PCNX2: variants seen among roughly 807,000 people sequenced by gnomAD.
The protein encoded by PCNX2 is pecanex 2, also known as pecanex-like protein 2.
In PCNX2, 168 loss-of-function variants were observed where a neutral mutation model predicts 223.8. The ratio of observed to expected loss-of-function variants is 0.75; its 90% CI spans 0.66 to 0.85. The LOEUF (loss-of-function observed/expected upper bound fraction) is 0.85. Among genes scored for constraint, PCNX2 ranks in the 40% least tolerant of loss-of-function variants. The pLI, the probability that PCNX2 is intolerant of heterozygous loss-of-function variation, is 0.00. For missense variants in PCNX2, 2,507 were observed against 2,675.5 expected (o/e 0.94, Z 1.39); for synonymous variants, 1,006 against 1,052.6 (o/e 0.96, Z 0.86).
intron 23 of PCNX2, chr1:233,057,919 G>A (rs1349941535): frequency 5.1e-6 from 5 of 985,062 alleles, no homozygotes; most frequent in Middle Eastern, 5.2e-4. Flanking sequence ...CTTGAGAACA[G>A]TGTCCACAAA....
At chr1:233,200,869 T>A (rs1261920800) in intron 13 of PCNX2, among the ~76,000 whole-genome samples, 1 of 149,800 alleles carries the variant, frequency 6.7e-6, no homozygotes, top group Non-Finnish European at 1.5e-5. Context: ...TAAAAAAAAA[T>A]ACAAAAATTA....
chr1:233,023,710 T>C (rs751860448), intron 26 of PCNX2, among the ~76,000 whole-genome samples: 1 of 150,516 alleles, frequency 6.6e-6, no homozygotes, highest in African/African-American at 2.4e-5. Flanking sequence ...GGACAAAACA[T>C]GTATAGTTTT....
At position 233,250,741 on chromosome 1, in the gene PCNX2, A is replaced by C; in HGVS notation, c.2220T>G (p.Ala740=). 1 of 1,602,568 alleles carries C rather than the reference A, an allele frequency of 6.2e-7. No individual in the cohort carries two copies. The highest frequency in any genetic ancestry group is 8.5e-7 in the Non-Finnish European group (1 of 1,174,834). ...CCTGGAAACAAAGCTCCACTCACCG[A>C]GCCTGAGAGAGACAGTCATTATTTG... ...LPSNNDCLSQ[A]REMQVSSSST... is the part of the protein sequence containing the mutation. Residue 740 remains alanine, a splice_region_variant and synonymous_variant, in exon 8 of 34, where the codon GCT becomes GCG. Transcript: ENST00000258229.
chr1:233,081,217 G>A (rs1445173002), intron 23 of PCNX2, among the ~76,000 whole-genome samples: 2 of 152,070 alleles, frequency 1.3e-5, no homozygotes, highest in Non-Finnish European at 2.9e-5. Context: ...CATGATGGCA[G>A]GTGCCTGTAA....
rs1670067211 is a variant in PCNX2 at position 233,001,132 on chromosome 1, C to T, written c.5097+405G>A. On this transcript the variant is annotated intron_variant, in intron 29 of 33. Transcript: ENST00000258229. This position sits in a 1 kb window ranked among gnomAD's most constrained non-coding sequence, Gnocchi z 4.2. ...CACTGCAGCCTGAAACTCCCGGGCT[C>T]AAGCTATCCTCCCACCTTAACCTCC... Among the ~76,000 whole-genome samples, 2 of 152,102 alleles carry T rather than the reference C, an allele frequency of 1.3e-5. No homozygotes were observed. Among genetic ancestry groups the T allele is most frequent in the Non-Finnish European group, 2.9e-5 (2 of 68,032 alleles).
chr1:233,057,990 C>T (rs1672254057), intron 23 of PCNX2: 1 of 985,238 alleles, frequency 1.0e-6, no homozygotes, highest in African/African-American at 1.7e-5. Context: ...GTCTCCACCA[C>T]CTGCTTTCAA....
chr1:233,233,214 T>C (rs911916358), intron 9 of PCNX2, among the ~76,000 whole-genome samples: 1 of 152,186 alleles, frequency 6.6e-6, no homozygotes, highest in Non-Finnish European at 1.5e-5. Context: ...AAGCACATGA[T>C]GGATAAACTT....
At chr1:233,207,530 G>A (rs1182489913) in intron 13 of PCNX2, among the ~76,000 whole-genome samples, 1 of 152,200 alleles carries the variant, frequency 6.6e-6, no homozygotes. Flanking sequence ...CAATCACTTT[G>A]CATAAAAGGG....
chr1:233,288,803 CCTTTTTTT>C, intron 1 of PCNX2: 3 of 655,788 alleles, frequency 4.6e-6, no homozygotes, highest in Non-Finnish European at 4.9e-6. Flanking sequence ...GGAAAGATGC[CCTTTTTTT>C]TTTTTTTTTT....
intron 1 of PCNX2, among the ~76,000 whole-genome samples, chr1:233,264,033 A>G (rs1420697040): frequency 1.3e-5 from 2 of 152,158 alleles, no homozygotes; most frequent in Non-Finnish European, 2.9e-5. Flanking sequence ...GAAGAGGGAT[A>G]TTTCCAGCAG....
chr1:233,116,268 C>T (rs529600467), intron 21 of PCNX2, among the ~76,000 whole-genome samples: 16 of 152,196 alleles, frequency 1.1e-4, no homozygotes, highest in Admixed American at 4.6e-4. Context: ...CATTATAATG[C>T]AACAAGATAT....
upstream of PCNX2, among the ~76,000 whole-genome samples, chr1:233,298,256 G>A (rs1662204285): frequency 6.6e-6 from 1 of 152,146 alleles, no homozygotes; most frequent in East Asian, 1.9e-4. Context: ...TCTGAAATTA[G>A]CAAATAAATG....
Position 233,248,618 on chromosome 1 carries a change from A to G in PCNX2, c.2222+2121T>C, listed in dbSNP as rs537480223. 9.2e-5 allele frequency among the ~76,000 whole-genome samples: 14 copies of G among 152,248 alleles called. No homozygotes were observed. The South Asian group carries it at 2.9e-3, about 32-fold the overall frequency. Reference sequence around the variant, plus strand: ...TCTTTATCTAGACACTCCTGAAGACAGATGGACCCAAGACTGTTCAGTTAC... The same window carrying G: ...TCTTTATCTAGACACTCCTGAAGACGGATGGACCCAAGACTGTTCAGTTAC... On this transcript the variant is annotated intron_variant, in intron 8 of 33. Coordinates refer to ENST00000258229, the MANE Select transcript of PCNX2 (RefSeq NM_014801.4).
At chr1:233,236,487 T>TA (rs530081035) in intron 9 of PCNX2, among the ~76,000 whole-genome samples, 101 of 146,228 alleles carry the variant, frequency 6.9e-4, no homozygotes, top group Admixed American at 9.6e-4. Context: ...AATAATACAT[T>TA]AAAAAAAAAA....
chr1:233,178,098 G>A (rs1679588141), intron 16 of PCNX2, among the ~76,000 whole-genome samples, 200 bp from the exon 17 acceptor site: 1 of 152,206 alleles, frequency 6.6e-6, no homozygotes, highest in Non-Finnish European at 1.5e-5. Flanking sequence ...CCTAATGAGA[G>A]CAGTCAAGTA....
chr1:233,168,777 T>C (rs1235222240), intron 17 of PCNX2, among the ~76,000 whole-genome samples: 1 of 152,132 alleles, frequency 6.6e-6, no homozygotes, highest in Non-Finnish European at 1.5e-5. Flanking sequence ...CCTTGATAAA[T>C]TATGCTTTTC....
chr1:233,136,684 C>A (rs1039525879), intron 20 of PCNX2, among the ~76,000 whole-genome samples: 3 of 152,116 alleles, frequency 2.0e-5, no homozygotes, highest in Non-Finnish European at 4.4e-5. Context: ...TTTTCCAGTG[C>A]GCAACTAATG....
intron 5 of PCNX2, among the ~76,000 whole-genome samples, chr1:233,256,695 T>C (rs575961428): frequency 3.4e-4 from 52 of 152,348 alleles, no homozygotes; most frequent in African/African-American, 1.2e-3. Flanking sequence ...AAAATTTTAT[T>C]GGACAGTGCT....
the PCNX2 span, among the ~76,000 whole-genome samples, chr1:233,324,537 A>C: frequency 6.6e-6 from 1 of 151,902 alleles, no homozygotes; most frequent in African/African-American, 2.4e-5. Flanking sequence ...TGCTTGTGCC[A>C]TATCAATGGC....
Sources: allele counts gnomAD v4.1 joint callset (sites outside exome capture counted in the v4.1 genomes callset), GRCh38; gene constraint gnomAD v4.1.1; non-coding constraint Gnocchi (gnomAD v3.1); transcripts MANE v1.5; gene names NCBI Gene and HGNC (gene_info 2026-07-23, HGNC 2026-07-21).